AP3S1: variants seen among roughly 807,000 people sequenced by gnomAD.
AP3S1 encodes the protein AP-3 complex subunit sigma-1.
AP3S1 carries 12 observed loss-of-function variants against 21.3 expected under a neutral mutation model. The ratio of observed to expected loss-of-function variants is 0.56; its 90% CI spans 0.36 to 0.91. The LOEUF is 0.91. Among genes scored for constraint, AP3S1 ranks in the 40% least tolerant of loss-of-function variants. The probability of loss-of-function intolerance (pLI) is 0.01; values close to 1 mark genes in which losing one functional copy is unlikely to be tolerated. For missense variants in AP3S1, 116 were observed against 225.0 expected (o/e 0.52, Z 3.10); for synonymous variants, 48 against 78.4 (o/e 0.61, Z 2.05).
intron 1 of AP3S1, among the ~76,000 whole-genome samples, chr5:115,864,221 GT>G (rs1394746117): frequency 6.6e-6 from 1 of 152,224 alleles, no homozygotes; most frequent in Non-Finnish European, 1.5e-5. Flanking sequence ...ATAAGAAGGA[GT>G]GGATGAGAAC....
chr5:115,882,456 C>G (rs1048323291), intron 3 of AP3S1, among the ~76,000 whole-genome samples: 6 of 152,202 alleles, frequency 3.9e-5, no homozygotes, highest in Non-Finnish European at 5.9e-5. Flanking sequence ...TAACAGGCCC[C>G]TCTGCTGCAG....
chr5:115,906,893 A>G (rs943333684), intron 5 of AP3S1: 2 of 1,471,004 alleles, frequency 1.4e-6, no homozygotes, highest in African/African-American at 1.4e-5. Flanking sequence ...ATGTACTATA[A>G]CAAAGGGAAA....
intron 1 of AP3S1, among the ~76,000 whole-genome samples, chr5:115,851,528 G>A (rs962090837): frequency 1.3e-5 from 2 of 152,024 alleles, no homozygotes; most frequent in Non-Finnish European, 1.5e-5. Flanking sequence ...TTATGAAGTG[G>A]TGCCTCATTA....
chr5:115,906,866 T>A, intron 5 of AP3S1: 1 of 1,514,060 alleles, frequency 6.6e-7, no homozygotes, highest in Non-Finnish European at 8.8e-7. Flanking sequence ...GACAAGGTAT[T>A]GCTGACTTTG....
intron 3 of AP3S1, among the ~76,000 whole-genome samples, chr5:115,877,524 C>T (rs1445247929): frequency 6.6e-6 from 1 of 152,178 alleles, no homozygotes; most frequent in Non-Finnish European, 1.5e-5. Context: ...CTGCAAAGGA[C>T]AGGAACTCAT....
chr5:115,866,898 A>C (rs1763665567), intron 2 of AP3S1, 137 bp downstream of exon 2: 1 of 432,836 alleles, frequency 2.3e-6, no homozygotes, highest in Non-Finnish European at 4.0e-6. Context: ...TATGTTAGCT[A>C]TAAATCTAAC....
At chr5:115,881,179 G>A (rs986603884) in intron 3 of AP3S1, among the ~76,000 whole-genome samples, 1 of 152,026 alleles carries the variant, frequency 6.6e-6, no homozygotes, top group Admixed American at 6.5e-5. Flanking sequence ...CTTTTAATTA[G>A]GGTATTTAGC....
intron 3 of AP3S1, among the ~76,000 whole-genome samples, chr5:115,887,577 T>C (rs1749909820): frequency 1.3e-5 from 2 of 152,136 alleles, no homozygotes. Context: ...TTTGGTATTA[T>C]AATACTAGCT....
At chr5:115,872,488 G>A (rs559452534) in intron 3 of AP3S1, among the ~76,000 whole-genome samples, 2 of 151,846 alleles carry the variant, frequency 1.3e-5, no homozygotes, top group African/African-American at 2.4e-5. Context: ...GAAGATTGGC[G>A]GCAGTGAGGA....
chr5:115,879,661 C>CT (rs2112867582), intron 3 of AP3S1, among the ~76,000 whole-genome samples: 1 of 152,028 alleles, frequency 6.6e-6, no homozygotes, highest in Admixed American at 6.6e-5. Flanking sequence ...AAAATTCTCT[C>CT]TTTTTTCTTG....
At chr5:115,848,135 C>T (rs539385715) in intron 1 of AP3S1, among the ~76,000 whole-genome samples, 1 of 141,200 alleles carries the variant, frequency 7.1e-6, no homozygotes, top group South Asian at 2.1e-4. Flanking sequence ...CCTTACGTGA[C>T]GTACCTATAT....
At chr5:115,855,480 C>T (rs1034492538) in intron 1 of AP3S1, among the ~76,000 whole-genome samples, 4 of 152,002 alleles carry the variant, frequency 2.6e-5, no homozygotes, top group Admixed American at 6.6e-5. Flanking sequence ...ACTGGGACTA[C>T]AGGCATGCAT....
chr5:115,908,790 A>G (rs1437316677), intron 5 of AP3S1, among the ~76,000 whole-genome samples: 1 of 152,178 alleles, frequency 6.6e-6, no homozygotes, highest in African/African-American at 2.4e-5. Context: ...CATTAAAACA[A>G]AGCCTATTAT....
In AP3S1 at chr5:115,868,561, A is replaced by G. The variant is rs1011713480; in HGVS notation, c.162-1456A>G. On this transcript the variant is annotated intron_variant, in intron 2 of 5. Coordinates refer to ENST00000316788, the MANE Select transcript of AP3S1 (RefSeq NM_001284.4). ...GGGAAGTTGTTTCTACAGAACTTAT[A>G]AGTTTAGTATTATTTTTACTGTGTA... Among the ~76,000 whole-genome samples the G allele has an allele frequency of 5.9e-5, 9 of 152,050 alleles. No homozygotes were observed. The East Asian group carries it at 1.7e-3, about 29-fold the overall frequency.
intron 1 of AP3S1, among the ~76,000 whole-genome samples, chr5:115,850,827 C>G (rs1346702904): frequency 6.6e-6 from 1 of 152,124 alleles, no homozygotes; most frequent in East Asian, 1.9e-4. Context: ...GCCTGGGAGA[C>G]TCAGACTCAA....
intron 1 of AP3S1, among the ~76,000 whole-genome samples, chr5:115,843,625 G>C (rs1430107344): frequency 1.3e-5 from 2 of 152,178 alleles, no homozygotes; most frequent in Non-Finnish European, 2.9e-5. Flanking sequence ...CATTTTGCCA[G>C]TGTCATCCAT....
chr5:115,853,180 A>G (rs1226288419), intron 1 of AP3S1, among the ~76,000 whole-genome samples: 2 of 152,192 alleles, frequency 1.3e-5, no homozygotes, highest in African/African-American at 2.4e-5. Context: ...ATGGGTATCA[A>G]GTAGTATCTT....
intron 3 of AP3S1, among the ~76,000 whole-genome samples, chr5:115,873,400 T>C (rs1363539532): frequency 6.6e-6 from 1 of 152,198 alleles, no homozygotes; most frequent in Admixed American, 6.5e-5. Flanking sequence ...AGGAGGACTT[T>C]GTCATTTTCC....
intron 1 of AP3S1, among the ~76,000 whole-genome samples, chr5:115,859,121 T>C (rs1287933752): frequency 6.6e-6 from 1 of 152,078 alleles, no homozygotes; most frequent in East Asian, 1.9e-4. Flanking sequence ...TGAAAGCTGA[T>C]TGGAAGCTCT....
Sources: gnomAD v4.1 joint callset for allele counts (sites outside exome capture counted in the v4.1 genomes callset) on GRCh38, gnomAD v4.1.1 for gene constraint, MANE v1.5 for transcripts, NCBI Gene and HGNC (gene_info 2026-07-23, HGNC 2026-07-21) for gene names.